WASL: variants seen among roughly 807,000 people sequenced by gnomAD.
WASL encodes WASP like actin nucleation promoting factor, also known as actin nucleation-promoting factor WASL.
A neutral mutation model predicts 55.5 loss-of-function variants in WASL; 20 were observed. The observed-to-expected ratio is 0.36, with a 90% confidence interval of 0.25 to 0.52. The LOEUF is 0.52. Ranked by LOEUF, WASL falls within the 20% of genes least tolerant of loss-of-function variation. The pLI is 0.92. For synonymous variants in WASL, 249 were observed against 217.6 expected (o/e 1.14, Z -1.27); for missense variants, 504 against 622.5 (o/e 0.81, Z 2.03).
chr7:123,722,881 G>A (rs1373560818), intron 1 of WASL, among the ~76,000 whole-genome samples: 3 of 152,108 alleles, frequency 2.0e-5, no homozygotes, highest in Non-Finnish European at 4.4e-5. Flanking sequence ...AATGTTCTGG[G>A]AAGGCTAAGA....
intron 9 of WASL, among the ~76,000 whole-genome samples, chr7:123,690,515 C>T (rs1342348424): frequency 1.3e-5 from 1 of 74,382 alleles, no homozygotes; most frequent in Admixed American, 1.4e-4. Context: ...ACTGATTATG[C>T]ACCCTATGAT....
chr7:123,716,216 TTTTA>T (rs1238362876), intron 1 of WASL, among the ~76,000 whole-genome samples: 3 of 152,002 alleles, frequency 2.0e-5, no homozygotes, highest in Non-Finnish European at 4.4e-5. Flanking sequence ...TTATTTTTAT[TTTTA>T]TTTATTTATT....
intron 1 of WASL, among the ~76,000 whole-genome samples, chr7:123,733,915 A>C (rs1372442592): frequency 1.4e-4 from 2 of 13,848 alleles, no homozygotes; most frequent in Non-Finnish European, 2.8e-4. Flanking sequence ...CCACGTGCCA[A>C]AAAAAAAAAA....
intron 5 of WASL, among the ~76,000 whole-genome samples, chr7:123,700,204 A>AAAACAAAAAAAC (rs1562959044): frequency 7.2e-5 from 5 of 69,140 alleles, no homozygotes; most frequent in African/African-American, 2.1e-4. Flanking sequence ...AAAAAAAAAA[A>AAAACAAAAAAAC]AAACAACATT....
rs1349280860 is a variant in WASL, at chr7:123,682,733, T to G, written c.*1786A>C. On this transcript the variant is annotated 3_prime_UTR_variant, in exon 11 of 11. Coordinates refer to ENST00000223023, the MANE Select transcript of WASL (RefSeq NM_003941.4). ...CTTTTGTACAAACTCCTGATTTTAT[T>G]GGTTAGTAGTTGTCCAGCCTCATCT... 6.6e-6 allele frequency: 1 copy of G among 152,236 alleles called. No homozygotes were observed. The highest frequency in any genetic ancestry group is 1.9e-4 in the East Asian group (1 of 5,184). The allele number at this position is 152,236 out of a possible 1,614,324, so 9.4% of individuals were successfully genotyped here.
intron 1 of WASL, among the ~76,000 whole-genome samples, chr7:123,739,498 T>C (rs1020015306): frequency 2.0e-5 from 3 of 152,030 alleles, no homozygotes; most frequent in Non-Finnish European, 1.5e-5. Flanking sequence ...ATGCAACCAT[T>C]TAGTTTTGTA....
rs145712208 is a variant in WASL, at chr7:123,720,868, T to C, written c.118-11645A>G. Among the ~76,000 whole-genome samples, 40 of 151,856 alleles carry C rather than the reference T, an allele frequency of 2.6e-4. No homozygotes were observed. In the East Asian group the frequency reaches 6.6e-3, roughly 25 times the overall value. ...AAAAATTAAAAATTGATTTAAAATA[T>C]ATACACGTTAAAAAAAAAAGACCTA... On this transcript the variant is annotated intron_variant, in intron 1 of 10. Coordinates refer to ENST00000223023, the MANE Select transcript of WASL (RefSeq NM_003941.4).
intron 1 of WASL, among the ~76,000 whole-genome samples, chr7:123,720,586 G>T (rs1031880477): frequency 6.6e-6 from 1 of 151,598 alleles, no homozygotes; most frequent in Non-Finnish European, 1.5e-5. Context: ...TGTTGGAGAA[G>T]AAATGACTAG....
chr7:123,735,901 G>A (rs1026817635), intron 1 of WASL, among the ~76,000 whole-genome samples: 28 of 152,060 alleles, frequency 1.8e-4, no homozygotes, highest in African/African-American at 6.8e-4. Context: ...CATGTCTGAA[G>A]TTTCCAAACT....
At chr7:123,732,630 T>C (rs1161788937) in intron 1 of WASL, among the ~76,000 whole-genome samples, 4 of 152,168 alleles carry the variant, frequency 2.6e-5, no homozygotes, top group Non-Finnish European at 1.5e-5. Flanking sequence ...ATATGAGGAA[T>C]ACATGATAGA....
chr7:123,694,910 A>G (rs748955018), intron 7 of WASL, 42 bp from the exon 8 acceptor site: 2 of 1,563,480 alleles, frequency 1.3e-6, no homozygotes, highest in Admixed American at 2.1e-5. Flanking sequence ...ATATATCCCA[A>G]TTTAAAAAAC....
At chr7:123,689,004 C>A in intron 10 of WASL, 38 bp downstream of exon 10, 1 of 1,437,536 alleles carries the variant, frequency 7.0e-7, no homozygotes, top group South Asian at 1.2e-5. Context: ...CACACTCTCT[C>A]TGTCTCTCTC....
intron 5 of WASL, 90 bp downstream of exon 5, chr7:123,704,544 C>T (rs1803637734): frequency 2.9e-6 from 3 of 1,046,428 alleles, no homozygotes; most frequent in East Asian, 5.6e-5. Context: ...GTAAAAGATA[C>T]TAAATATTAC....
At position 123,692,783 on chromosome 7, in the gene WASL, G is replaced by C. The variant is rs1354322273; in HGVS notation, c.911C>G (p.Ala304Gly). The change falls in exon 9 of 11, where the codon GCT (alanine) becomes GGT (glycine). Residue 304 changes from alanine to glycine, a missense_variant. By Grantham distance (60) the Ala-to-Gly change is moderately conservative. Around this residue, in one of 5 missense-constraint regions of WASL, gnomAD observed 201 missense variants for 206.2 expected, o/e 0.97. Coordinates refer to ENST00000223023, the MANE Select transcript of WASL (RefSeq NM_003941.4). ...TGGGGGAGGAGCGCCTCTTCCCCTAGCAGGAGGAGGAGGAGGACCTGAGTT... is the reference window on the plus strand; with the variant it reads ...TGGGGGAGGAGCGCCTCTTCCCCTACCAGGAGGAGGAGGAGGACCTGAGTT... ...PHNSGPPPPPARGRGAPPPPP... is the reference protein window; with the variant it reads ...PHNSGPPPPPGRGRGAPPPPP... The C allele has an allele frequency of 4.7e-6, 7 of 1,474,770 alleles. No homozygotes were observed. The highest frequency in any genetic ancestry group is 6.3e-6 in the Non-Finnish European group (7 of 1,113,138). The allele number at this position is 1,474,770 out of a possible 1,614,324, so 91.4% of individuals were successfully genotyped here.
intron 10 of WASL, among the ~76,000 whole-genome samples, chr7:123,686,202 A>T (rs1466959656): frequency 3.3e-5 from 5 of 151,634 alleles, no homozygotes; most frequent in Admixed American, 6.6e-5. Flanking sequence ...ATTATTTATT[A>T]TTTATTTATT....
intron 1 of WASL, among the ~76,000 whole-genome samples, chr7:123,724,511 A>G (rs1046459316): frequency 2.6e-5 from 4 of 152,208 alleles, no homozygotes; most frequent in African/African-American, 9.7e-5. Context: ...ATGACTTATA[A>G]GTTCCCATGT....
chr7:123,696,519 T>C, intron 6 of WASL, 60 bp downstream of exon 6: 1 of 1,412,842 alleles, frequency 7.1e-7, no homozygotes, highest in Non-Finnish European at 9.3e-7. Context: ...AAGTTAAAAA[T>C]CAAGAACAGC....
At chr7:123,717,249 T>TA (rs1306742577) in intron 1 of WASL, among the ~76,000 whole-genome samples, 2 of 152,170 alleles carry the variant, frequency 1.3e-5, no homozygotes, top group Non-Finnish European at 2.9e-5. Context: ...TTGTTTGTCC[T>TA]GGGGAAAAGA....
At chr7:123,746,534 A>C (rs1804433237) in intron 1 of WASL, among the ~76,000 whole-genome samples, 1 of 152,240 alleles carries the variant, frequency 6.6e-6, no homozygotes, top group Non-Finnish European at 1.5e-5. Flanking sequence ...TATCACTCTT[A>C]CTTCACTCTC....
Sources: gnomAD v4.1 joint callset for allele counts (sites outside exome capture counted in the v4.1 genomes callset) on GRCh38, gnomAD v4.1.1 for gene constraint, gnomAD v4.1.1 regional missense constraint, MANE v1.5 for transcripts, NCBI Gene and HGNC (gene_info 2026-07-23, HGNC 2026-07-21) for gene names.